DLG2: variants seen among roughly 807,000 people sequenced by gnomAD.
The protein encoded by DLG2 is disks large homolog 2.
DLG2 carries 45 observed loss-of-function variants against 132.5 expected under a neutral mutation model. The ratio of observed to expected loss-of-function variants is 0.34; its 90% confidence interval spans 0.27 to 0.44. The LOEUF is 0.44. DLG2 is among the 20% of genes least tolerant of loss of function. The pLI, the probability that DLG2 is intolerant of heterozygous loss-of-function variation, is 1.00. For synonymous variants in DLG2, 424 were observed against 419.6 expected (o/e 1.01, Z -0.13); for missense variants, 1,045 against 1,196.9 (o/e 0.87, Z 1.87).
chr11:84,563,855 C>A (rs1230934682), intron 6 of DLG2, among the ~76,000 whole-genome samples: 1 of 152,084 alleles, frequency 6.6e-6, no homozygotes, highest in Non-Finnish European at 1.5e-5. Flanking sequence ...TCATCTGAAA[C>A]ATGTTTAGAG....
intron 11 of DLG2, among the ~76,000 whole-genome samples, chr11:84,016,977 T>G (rs930500487): frequency 6.6e-6 from 1 of 152,052 alleles, no homozygotes; most frequent in Non-Finnish European, 1.5e-5. Context: ...TAACTTTTTC[T>G]GTTGAATTCT....
intron 7 of DLG2, among the ~76,000 whole-genome samples, chr11:84,308,133 C>T (rs1280561492): frequency 6.6e-6 from 1 of 152,138 alleles, no homozygotes; most frequent in African/African-American, 2.4e-5. Flanking sequence ...TCTTATCTGG[C>T]CCCACCCACA....
chr11:84,893,038 G>A (rs2089653507), intron 6 of DLG2, among the ~76,000 whole-genome samples: 1 of 152,026 alleles, frequency 6.6e-6, no homozygotes, highest in African/African-American at 2.4e-5. Context: ...ATCAGAAACC[G>A]AGTAGACATT....
chr11:85,193,528 T>C (rs1453476626), intron 4 of DLG2, among the ~76,000 whole-genome samples: 3 of 152,358 alleles, frequency 2.0e-5, no homozygotes, highest in East Asian at 1.9e-4. Flanking sequence ...AATTTCTATA[T>C]GAGAATTCCA....
intron 3 of DLG2, among the ~76,000 whole-genome samples, chr11:85,518,821 C>G (rs1321251360): frequency 6.6e-6 from 1 of 152,176 alleles, no homozygotes; most frequent in African/African-American, 2.4e-5. Flanking sequence ...CTGTTGTTTA[C>G]AGTCTAGGGA....
Position 85,603,120 on chromosome 11 carries a change from G to C in DLG2, c.-92-4332C>G, listed in dbSNP as rs1169028475. ...CTCCAATTTATATTAACAAAGAATGGTGATATAAATGTGTGCTAATATATT... is the reference window on the plus strand; with the variant it reads ...CTCCAATTTATATTAACAAAGAATGCTGATATAAATGTGTGCTAATATATT... On this transcript the variant is annotated intron_variant, in intron 2 of 27. Transcript: ENST00000376104. Among the ~76,000 whole-genome samples the C allele has an allele frequency of 4.6e-5, 7 of 152,152 alleles. No homozygotes were observed. In the East Asian group the frequency reaches 1.3e-3, roughly 29 times the overall value.
At chr11:84,973,367 G>A (rs554960544) in intron 6 of DLG2, among the ~76,000 whole-genome samples, 8 of 152,286 alleles carry the variant, frequency 5.3e-5, no homozygotes, top group African/African-American at 1.4e-4. Context: ...CGTCTGTATT[G>A]TAGTAATCAT....
intron 8 of DLG2, among the ~76,000 whole-genome samples, chr11:84,239,520 G>A (rs1280200689): frequency 1.3e-5 from 2 of 152,088 alleles, no homozygotes; most frequent in Non-Finnish European, 1.5e-5. Flanking sequence ...TGTATCTGGT[G>A]AATATCAAGT....
chr11:83,517,680 G>C (rs945975490), intron 21 of DLG2, among the ~76,000 whole-genome samples: 1 of 152,164 alleles, frequency 6.6e-6, no homozygotes, highest in African/African-American at 2.4e-5. Flanking sequence ...TGATGATGGT[G>C]ACGTACAGAT....
At chr11:83,713,544 G>GGCC (rs547864922) in intron 18 of DLG2, among the ~76,000 whole-genome samples, 280 of 152,300 alleles carry the variant, frequency 1.8e-3, no homozygotes, top group African/African-American at 6.5e-3. Flanking sequence ...GATCATGGAA[G>GGCC]GCCTTGAAAG....
chr11:84,552,886 C>T (rs1178811760), intron 6 of DLG2, among the ~76,000 whole-genome samples: 3 of 152,204 alleles, frequency 2.0e-5, no homozygotes, highest in Non-Finnish European at 4.4e-5. Context: ...TTTCCTCCTG[C>T]TCCAGAATAA....
At chr11:85,134,336 C>T (rs1333483957) in intron 5 of DLG2, among the ~76,000 whole-genome samples, 2 of 149,282 alleles carry the variant, frequency 1.3e-5, no homozygotes, top group African/African-American at 4.9e-5. Flanking sequence ...GAGACCATCC[C>T]GGCTAAAACG....
chr11:83,868,089 G>C (rs905697363), intron 16 of DLG2, among the ~76,000 whole-genome samples: 1 of 152,156 alleles, frequency 6.6e-6, no homozygotes, highest in Non-Finnish European at 1.5e-5. Flanking sequence ...TGCTGAACTG[G>C]GGGGACAGCG....
At chr11:84,207,894 T>G (rs2096695139) in intron 8 of DLG2, among the ~76,000 whole-genome samples, 1 of 152,140 alleles carries the variant, frequency 6.6e-6, no homozygotes, top group South Asian at 2.1e-4. Context: ...ATTTGCATCT[T>G]GAATATACAA....
At chr11:84,573,234 A>G (rs1422968738) in intron 6 of DLG2, among the ~76,000 whole-genome samples, 2 of 152,142 alleles carry the variant, frequency 1.3e-5, no homozygotes, top group Non-Finnish European at 2.9e-5. Flanking sequence ...AATTTTTTTC[A>G]TTTAATTTTT....
At chr11:83,861,597 T>C (rs1178135613) in intron 16 of DLG2, among the ~76,000 whole-genome samples, 3 of 152,174 alleles carry the variant, frequency 2.0e-5, no homozygotes, top group Admixed American at 6.5e-5. Flanking sequence ...GATCATTATA[T>C]TAAGTGAAAT....
intron 4 of DLG2, among the ~76,000 whole-genome samples, chr11:85,189,453 G>A (rs2080362775): frequency 6.6e-6 from 1 of 152,168 alleles, no homozygotes; most frequent in Non-Finnish European, 1.5e-5. Flanking sequence ...CAACTTGAAT[G>A]TATCTCAATG....
At chr11:84,710,605 C>T (rs186485156) in intron 6 of DLG2, among the ~76,000 whole-genome samples, 1 of 151,752 alleles carries the variant, frequency 6.6e-6, no homozygotes, top group Non-Finnish European at 1.5e-5. Flanking sequence ...TTAATCCCTG[C>T]CTGGTTTAAT....
At chr11:83,778,670 T>A (rs1313762794) in intron 18 of DLG2, among the ~76,000 whole-genome samples, 2 of 152,100 alleles carry the variant, frequency 1.3e-5, no homozygotes, top group Non-Finnish European at 2.9e-5. Flanking sequence ...TTTTCTAATT[T>A]AGGAGTTAGG....
Sources: gnomAD v4.1 joint callset for allele counts (sites outside exome capture counted in the v4.1 genomes callset) on GRCh38, gnomAD v4.1.1 for gene constraint, MANE v1.5 for transcripts, NCBI Gene and HGNC (gene_info 2026-07-23, HGNC 2026-07-21) for gene names.